The following NDUFAF6 variants were observed in gnomAD, a reference collection of about 807,000 sequenced individuals.
NDUFAF6 encodes the protein NADH:ubiquinone oxidoreductase complex assembly factor 6.
Under a neutral mutation model 40.8 loss-of-function variants are expected in NDUFAF6, and 45 were observed. The observed-to-expected ratio is 1.10, with a 90% confidence interval of 0.87 to 1.42. NDUFAF6 has a LOEUF of 1.42. NDUFAF6 is among the 40% of genes most tolerant of loss of function. The probability of loss-of-function intolerance (pLI) is 0.00; values close to 1 mark genes in which losing one functional copy is unlikely to be tolerated. For missense variants in NDUFAF6, 435 were observed against 418.5 expected (o/e 1.04, Z -0.34); for synonymous variants, 185 against 155.9 (o/e 1.19, Z -1.39).
At chr8:95,035,362 C>A in intron 2 of NDUFAF6, 92 bp from the exon 3 acceptor site, 1 of 1,325,016 alleles carries the variant, frequency 7.5e-7, no homozygotes, top group Non-Finnish European at 1.1e-6. Flanking sequence ...TAATACAGAA[C>A]AGTTACATTA....
chr8:94,990,091 A>T (rs551968189), intron 2 of NDUFAF6, among the ~76,000 whole-genome samples: 1 of 152,180 alleles, frequency 6.6e-6, no homozygotes, highest in South Asian at 2.1e-4. Context: ...ATCTTCTACT[A>T]GTTGTTATGA....
At chr8:94,997,930 T>C (rs186130288) in intron 2 of NDUFAF6, among the ~76,000 whole-genome samples, 2 of 152,312 alleles carry the variant, frequency 1.3e-5, no homozygotes, top group East Asian at 3.9e-4. Flanking sequence ...TGAAGATCTG[T>C]GGTTTTCCGT....
chr8:94,941,685 C>G (rs1821550966), intron 1 of NDUFAF6, among the ~76,000 whole-genome samples: 1 of 152,212 alleles, frequency 6.6e-6, no homozygotes, highest in African/African-American at 2.4e-5. Context: ...TGGAAACACC[C>G]TTCCTGTGTA....
upstream of NDUFAF6, among the ~76,000 whole-genome samples, chr8:94,957,150 C>T (rs375312955): frequency 1.1e-4 from 16 of 152,002 alleles, no homozygotes; most frequent in South Asian, 6.2e-4. Flanking sequence ...CCAGTCTGGA[C>T]GACAATGTGA....
intron 2 of NDUFAF6, among the ~76,000 whole-genome samples, chr8:95,015,213 G>A (rs548496617): frequency 8.9e-4 from 135 of 152,276 alleles, no homozygotes; most frequent in African/African-American, 3.1e-3. Context: ...GTTGTGCAGT[G>A]TACAACCTGA....
intron 2 of NDUFAF6, among the ~76,000 whole-genome samples, chr8:94,999,093 C>T (rs1020883116): frequency 1.3e-5 from 2 of 151,030 alleles, no homozygotes; most frequent in African/African-American, 4.9e-5. Context: ...ATTAAATGTA[C>T]TCCGGTATTT....
chr8:94,930,738 A>G, intron 1 of NDUFAF6: 1 of 1,612,786 alleles, frequency 6.2e-7, no homozygotes, highest in Non-Finnish European at 8.5e-7. Flanking sequence ...TCTGAAACAG[A>G]AAAAAGTGGG....
At chr8:95,043,458 GA>G (rs150970091) in intron 4 of NDUFAF6, among the ~76,000 whole-genome samples, 18,571 of 151,506 alleles carry the variant, frequency 0.12, 1,217 homozygotes, top group Middle Eastern at 0.23. Context: ...TGGACTAAAA[GA>G]AAAAAATTAT....
intron 1 of NDUFAF6, among the ~76,000 whole-genome samples, chr8:94,967,084 A>T (rs1397737600): frequency 6.6e-6 from 1 of 152,252 alleles, no homozygotes; most frequent in Non-Finnish European, 1.5e-5. Context: ...GAAGAAAGAA[A>T]AAAAGGAACA....
chr8:94,967,498 C>T (rs1400566992), intron 1 of NDUFAF6, among the ~76,000 whole-genome samples: 1 of 152,070 alleles, frequency 6.6e-6, no homozygotes, highest in African/African-American at 2.4e-5. Flanking sequence ...TGACAGAGAT[C>T]CTTTAGTCAT....
chr8:95,105,371 T>C (rs1456887159), downstream of NDUFAF6, among the ~76,000 whole-genome samples: 22 of 152,052 alleles, frequency 1.4e-4, no homozygotes, highest in Admixed American at 1.4e-3. Context: ...CGCATTTTTT[T>C]TTTTTTGAGA....
chr8:95,115,916 T>A (rs538278772), intron 5 of NDUFAF6, among the ~76,000 whole-genome samples: 1 of 152,198 alleles, frequency 6.6e-6, no homozygotes, highest in East Asian at 1.9e-4. Flanking sequence ...GGCGGGTGGA[T>A]CCCCTGAGGT....
At chr8:95,110,440 A>C (rs566101969) in intron 4 of NDUFAF6, among the ~76,000 whole-genome samples, 86 of 152,340 alleles carry the variant, frequency 5.6e-4, no homozygotes, top group South Asian at 1.9e-3. Context: ...TGTTGGACAC[A>C]TTCCAGTAAA....
intron 2 of NDUFAF6, among the ~76,000 whole-genome samples, chr8:95,017,501 A>G (rs1378152132): frequency 1.3e-5 from 2 of 152,196 alleles, no homozygotes; most frequent in Non-Finnish European, 2.9e-5. Flanking sequence ...AGAAAGTAGG[A>G]TGAAGAGGAA....
chr8:95,100,012 A>G (rs540656647), upstream of NDUFAF6, among the ~76,000 whole-genome samples: 1 of 152,314 alleles, frequency 6.6e-6, no homozygotes, highest in Admixed American at 6.5e-5. Context: ...ACAGATAATG[A>G]TGCTTAAATC....
intron 2 of NDUFAF6, among the ~76,000 whole-genome samples, chr8:94,998,897 G>A (rs992110907): frequency 2.0e-5 from 3 of 152,038 alleles, no homozygotes; most frequent in Non-Finnish European, 4.4e-5. Flanking sequence ...GGAATTGAAG[G>A]TTTGTTTGGG....
At chr8:94,945,872 C>T (rs1231346012) in intron 2 of NDUFAF6, among the ~76,000 whole-genome samples, 2 of 152,158 alleles carry the variant, frequency 1.3e-5, no homozygotes, top group African/African-American at 4.8e-5. Flanking sequence ...GAGAAAAGAA[C>T]CCCTCAATAC....
At chr8:95,082,812 A>G (rs1305594941) in intron 2 of NDUFAF6, among the ~76,000 whole-genome samples, 3 of 152,100 alleles carry the variant, frequency 2.0e-5, no homozygotes, top group African/African-American at 7.2e-5. Context: ...GGCGCCCGCC[A>G]CTACGCCCGG....
chr8:95,058,209 A>T lies in NDUFAF6; in HGVS notation c.*272A>T. 7.1e-7 allele frequency: 1 copy of T among 1,412,820 alleles called. No individual in the cohort carries two copies. Among genetic ancestry groups the T allele is most frequent in the Non-Finnish European group, 9.2e-7 (1 of 1,092,034 alleles). 87.5% of individuals were successfully genotyped at this position (1,412,820 alleles called of 1,614,324 possible). A position where few individuals can be genotyped will look rare whatever the true frequency, so the allele number is the denominator to read the frequency against. On this transcript the variant is annotated 3_prime_UTR_variant, in exon 9 of 9. Transcript: ENST00000396124. ...GAGCTCCAACAGGGAATATTGGTGTAGCTGTGCATAGGCCATAAGCCACAC... is the reference window on the plus strand; with the variant it reads ...GAGCTCCAACAGGGAATATTGGTGTTGCTGTGCATAGGCCATAAGCCACAC...
Sources: allele counts gnomAD v4.1 joint callset (sites outside exome capture counted in the v4.1 genomes callset), GRCh38; gene constraint gnomAD v4.1.1; transcripts MANE v1.5; gene names NCBI Gene and HGNC (gene_info 2026-07-23, HGNC 2026-07-21).